PLCL2: variants seen among roughly 807,000 people sequenced by gnomAD.
PLCL2 encodes the protein phospholipase C like 2, also known as inactive phospholipase C-like protein 2.
Under a neutral mutation model 79.6 loss-of-function variants are expected in PLCL2, and 4 were observed. That is an observed-to-expected ratio of 0.05 (90% confidence interval 0.02 to 0.11). The LOEUF (loss-of-function observed/expected upper bound fraction) is 0.11, where lower values mean the gene tolerates loss of function less well. Ranked by LOEUF, PLCL2 falls within the 10% of genes least tolerant of loss-of-function variation. PLCL2 has a pLI of 1.00. For missense variants in PLCL2, 895 were observed against 1,291.0 expected, an observed-to-expected ratio of 0.69 and a Z score of 4.70; for synonymous variants, 484 against 457.7, an observed-to-expected ratio of 1.06 and a Z score of -0.73.
At chr3:17,035,154 T>C (rs2064632269) in intron 3 of PLCL2, among the ~76,000 whole-genome samples, 1 of 152,194 alleles carries the variant, frequency 6.6e-6, no homozygotes, top group South Asian at 2.1e-4. Context: ...AAGCAAGCTG[T>C]CACATAATTT....
At chr3:17,026,709 A>T (rs2064520884) in intron 3 of PLCL2, among the ~76,000 whole-genome samples, 1 of 152,078 alleles carries the variant, frequency 6.6e-6, no homozygotes, top group South Asian at 2.1e-4. Context: ...CTCTACTAAA[A>T]TTCACAAATT....
At chr3:16,894,322 G>T (rs2124916211) in intron 1 of PLCL2, among the ~76,000 whole-genome samples, 2 of 152,120 alleles carry the variant, frequency 1.3e-5, no homozygotes, top group East Asian at 3.9e-4. Flanking sequence ...TTGAAATACT[G>T]GTTTTGAGAA....
At chr3:17,019,534 A>G (rs563662556) in intron 3 of PLCL2, among the ~76,000 whole-genome samples, 1 of 152,142 alleles carries the variant, frequency 6.6e-6, no homozygotes, top group South Asian at 2.1e-4. Context: ...TGAATGATCA[A>G]TGTAGCAATA....
intron 1 of PLCL2, among the ~76,000 whole-genome samples, chr3:16,951,901 CT>C (rs201690611): frequency 2.0e-5 from 3 of 151,506 alleles, no homozygotes; most frequent in Admixed American, 6.6e-5. Flanking sequence ...AATACAAGAT[CT>C]TTTTTTTGTG....
At chr3:17,026,280 G>A (rs892543734) in intron 3 of PLCL2, among the ~76,000 whole-genome samples, 2 of 152,280 alleles carry the variant, frequency 1.3e-5, no homozygotes, top group Non-Finnish European at 2.9e-5. Flanking sequence ...TAAGAGTCAA[G>A]TTTAACTCTA....
At chr3:16,978,840 G>A (rs955807357) in intron 1 of PLCL2, among the ~76,000 whole-genome samples, 1 of 152,210 alleles carries the variant, frequency 6.6e-6, no homozygotes, top group Non-Finnish European at 1.5e-5. Flanking sequence ...AGAGAATGAA[G>A]CAGACTTTGC....
chr3:16,978,787 A>G (rs2063951429), intron 1 of PLCL2, among the ~76,000 whole-genome samples: 1 of 152,230 alleles, frequency 6.6e-6, no homozygotes. Context: ...ATATGTTGGA[A>G]CCTTATTGAA....
intron 1 of PLCL2, among the ~76,000 whole-genome samples, chr3:16,900,612 A>ATAACT (rs767580947): frequency 2.5e-4 from 38 of 152,338 alleles, no homozygotes; most frequent in Non-Finnish European, 5.0e-4. Context: ...AAAGTCTGGG[A>ATAACT]AAGTTAGTTT....
At chr3:16,957,890 C>T (rs1390306259) in intron 1 of PLCL2, among the ~76,000 whole-genome samples, 6 of 152,172 alleles carry the variant, frequency 3.9e-5, no homozygotes, top group Non-Finnish European at 8.8e-5. Context: ...GGTAGGTCTT[C>T]CTCCATCCCT....
intron 2 of PLCL2, among the ~76,000 whole-genome samples, chr3:17,013,030 A>T (rs947564938): frequency 6.6e-6 from 1 of 152,212 alleles, no homozygotes; most frequent in Non-Finnish European, 1.5e-5. Flanking sequence ...AACTAATTCT[A>T]TGTGTACTTC....
chr3:17,069,360 GTC>G (rs1426444041), intron 5 of PLCL2, among the ~76,000 whole-genome samples: 1 of 152,158 alleles, frequency 6.6e-6, no homozygotes, highest in Non-Finnish European at 1.5e-5. Context: ...TTAATTTTCA[GTC>G]TCTTCTTCTG....
chr3:17,072,564 G>T (rs1203806973), intron 5 of PLCL2, among the ~76,000 whole-genome samples: 1 of 151,796 alleles, frequency 6.6e-6, no homozygotes. Context: ...AGCTACTTGG[G>T]AGGCTGAGGC....
chr3:17,028,542 T>A (rs1477635219), intron 3 of PLCL2, among the ~76,000 whole-genome samples: 1 of 151,864 alleles, frequency 6.6e-6, no homozygotes, highest in East Asian at 1.9e-4. Context: ...AGTGACGAAC[T>A]GTTGACTCAC....
chr3:17,062,818 C>T (rs938295650), intron 4 of PLCL2, among the ~76,000 whole-genome samples: 5 of 152,040 alleles, frequency 3.3e-5, no homozygotes, highest in African/African-American at 1.2e-4. Context: ...TTCTTATTCC[C>T]TCATTATTAT....
intron 1 of PLCL2, among the ~76,000 whole-genome samples, chr3:16,925,422 A>G (rs1036666066): frequency 3.3e-5 from 5 of 152,052 alleles, no homozygotes; most frequent in African/African-American, 1.2e-4. Flanking sequence ...CATACCATAC[A>G]ATCTATTTTT....
intron 1 of PLCL2, among the ~76,000 whole-genome samples, chr3:17,002,347 C>T (rs1017659211): frequency 6.6e-6 from 1 of 152,022 alleles, no homozygotes; most frequent in African/African-American, 2.4e-5. Context: ...ATTTGGATCC[C>T]CTTTCTCTCT....
intron 5 of PLCL2, among the ~76,000 whole-genome samples, chr3:17,074,222 G>C (rs1006504190): frequency 2.0e-5 from 3 of 152,194 alleles, no homozygotes; most frequent in Non-Finnish European, 4.4e-5. Flanking sequence ...AGGCATGAAA[G>C]CAATATTAAT....
intron 1 of PLCL2, among the ~76,000 whole-genome samples, chr3:16,988,061 C>T (rs117747799): frequency 0.011 from 1,638 of 152,144 alleles, 33 homozygotes; most frequent in Admixed American, 0.046. Context: ...GCCTGGGATC[C>T]GATGGAAATT....
At chr3:17,007,783 G>A (rs1446393711) in intron 1 of PLCL2, among the ~76,000 whole-genome samples, 1 of 152,106 alleles carries the variant, frequency 6.6e-6, no homozygotes, top group African/African-American at 2.4e-5. Flanking sequence ...AATTGCCTTT[G>A]GATAATATTC....
Sources: gnomAD v4.1 joint callset for allele counts (sites outside exome capture counted in the v4.1 genomes callset) on GRCh38, gnomAD v4.1.1 for gene constraint, MANE v1.5 for transcripts, NCBI Gene and HGNC (gene_info 2026-07-23, HGNC 2026-07-21) for gene names.